The following CSMD1 variants were observed in gnomAD, a reference collection of about 807,000 sequenced individuals.
The protein encoded by CSMD1 is CUB and sushi domain-containing protein 1.
A neutral mutation model predicts 417.5 loss-of-function variants in CSMD1; 213 were observed. The ratio of observed to expected loss-of-function variants is 0.51; its 90% CI spans 0.46 to 0.57. The LOEUF (loss-of-function observed/expected upper bound fraction) is 0.57. CSMD1 is among the 20% of genes least tolerant of loss of function. The pLI, the probability that CSMD1 is intolerant of heterozygous loss-of-function variation, is 0.00. For synonymous variants in CSMD1, 2,862 were observed against 1,736.8 expected (o/e 1.65, Z -16.11); for missense variants, 6,923 against 4,529.7 (o/e 1.53, Z -15.17).
chr8:4,388,567 G>A (rs554093554), intron 3 of CSMD1, among the ~76,000 whole-genome samples: 1 of 151,118 alleles, frequency 6.6e-6, no homozygotes, highest in Non-Finnish European at 1.5e-5. Context: ...GGGTGGGGGG[G>A]TGATGGATAA....
intron 3 of CSMD1, among the ~76,000 whole-genome samples, chr8:4,090,820 C>A (rs754983211): frequency 6.6e-6 from 1 of 151,474 alleles, no homozygotes; most frequent in African/African-American, 2.4e-5. Flanking sequence ...TTCTTTAAGT[C>A]GAATGAAAAA....
intron 2 of CSMD1, among the ~76,000 whole-genome samples, chr8:4,570,761 T>C (rs1371209478): frequency 2.0e-5 from 3 of 152,162 alleles, no homozygotes; most frequent in African/African-American, 7.2e-5. Context: ...CGGCTGTGAA[T>C]CTGTCTGTCC....
chr8:4,879,187 CAG>C (rs1412771486), intron 1 of CSMD1, among the ~76,000 whole-genome samples: 2 of 151,966 alleles, frequency 1.3e-5, no homozygotes, highest in Non-Finnish European at 2.9e-5. Flanking sequence ...TAGGCAGGCA[CAG>C]AGAGACAGGC....
At chr8:3,820,785 T>C (rs956199210) in intron 5 of CSMD1, among the ~76,000 whole-genome samples, 2 of 152,138 alleles carry the variant, frequency 1.3e-5, no homozygotes, top group Non-Finnish European at 2.9e-5. Context: ...GGTTTCGCCA[T>C]GTTGGCCAGG....
At chr8:4,490,951 CAA>C (rs1362683973) in intron 2 of CSMD1, among the ~76,000 whole-genome samples, 1 of 152,116 alleles carries the variant, frequency 6.6e-6, no homozygotes, top group African/African-American at 2.4e-5. Flanking sequence ...TTAGAAGAAA[CAA>C]GAGAACTGTT....
At chr8:3,944,099 G>C (rs1811070696) in intron 5 of CSMD1, among the ~76,000 whole-genome samples, 1 of 152,090 alleles carries the variant, frequency 6.6e-6, no homozygotes, top group African/African-American at 2.4e-5. Flanking sequence ...AAAGAATAAA[G>C]CAAATGTGAT....
At chr8:4,507,897 G>A (rs956834834) in intron 2 of CSMD1, among the ~76,000 whole-genome samples, 2 of 152,108 alleles carry the variant, frequency 1.3e-5, no homozygotes, top group African/African-American at 4.8e-5. Context: ...AAATGAAAGT[G>A]AAAGATATTT....
intron 5 of CSMD1, among the ~76,000 whole-genome samples, chr8:3,838,941 A>AC: frequency 1.0e-5 from 1 of 100,114 alleles, no homozygotes; most frequent in Non-Finnish European, 1.8e-5. Flanking sequence ...TATATATAAT[A>AC]AAAAATTAAT....
Position 4,039,971 on chromosome 8 carries a change from A to C in CSMD1, c.416-7872T>G, listed in dbSNP as rs958938287. On this transcript the variant is annotated intron_variant, in intron 3 of 69. Coordinates refer to ENST00000635120, the MANE Select transcript of CSMD1 (RefSeq NM_033225.6). Reference sequence around the variant, plus strand: ...ATAGAGAATTGTAAAAAGATATCACAAATCAGGGCACTCGGTACAGGTTAA... The same window carrying C: ...ATAGAGAATTGTAAAAAGATATCACCAATCAGGGCACTCGGTACAGGTTAA... 3.3e-5 allele frequency among the ~76,000 whole-genome samples: 5 copies of C among 152,334 alleles called. No homozygotes were observed. The East Asian group carries it at 5.8e-4, about 18-fold the overall frequency.
intron 5 of CSMD1, among the ~76,000 whole-genome samples, chr8:3,874,266 T>A (rs180697494): frequency 7.9e-5 from 12 of 152,318 alleles, no homozygotes; most frequent in Non-Finnish European, 1.5e-4. Flanking sequence ...ACTGTTAGAA[T>A]GCTCAAGGTC....
intron 4 of CSMD1, among the ~76,000 whole-genome samples, chr8:4,023,209 G>A (rs956280204): frequency 6.6e-6 from 1 of 152,152 alleles, no homozygotes; most frequent in Non-Finnish European, 1.5e-5. Flanking sequence ...AGACCTTCAG[G>A]GAAGCCAGAT....
At chr8:4,962,438 T>C (rs1177346418) in intron 1 of CSMD1, among the ~76,000 whole-genome samples, 1 of 152,128 alleles carries the variant, frequency 6.6e-6, no homozygotes, top group East Asian at 1.9e-4. Flanking sequence ...CTTGAACTAC[T>C]GCCCTCAAAG....
intron 12 of CSMD1, among the ~76,000 whole-genome samples, chr8:3,448,197 G>A (rs1006797594): frequency 6.7e-6 from 1 of 149,850 alleles, no homozygotes; most frequent in Non-Finnish European, 1.5e-5. Flanking sequence ...CAAATAAAAA[G>A]CCTGTCTGTG....
At chr8:4,240,349 A>C (rs1304061276) in intron 3 of CSMD1, among the ~76,000 whole-genome samples, 2 of 152,202 alleles carry the variant, frequency 1.3e-5, no homozygotes, top group East Asian at 1.9e-4. Flanking sequence ...GCTAAAAAGG[A>C]AACTCCTGCA....
In CSMD1 at chr8:4,188,234, G is replaced by T. The variant is rs552719755; in HGVS notation, c.416-156135C>A. 9.8e-4 allele frequency among the ~76,000 whole-genome samples: 149 copies of T among 152,212 alleles called. 1 individual carries two copies. The South Asian group carries it at 0.013, about 14-fold the overall frequency. On this transcript the variant is annotated intron_variant, in intron 3 of 69. Transcript: ENST00000635120. ...ACATGATGTAAAATTTGACTCTGAGGACCCAGAAAACAGCGCACTTTTGGA... is the reference window on the plus strand; with the variant it reads ...ACATGATGTAAAATTTGACTCTGAGTACCCAGAAAACAGCGCACTTTTGGA...
At chr8:4,575,938 G>T (rs1336478368) in intron 2 of CSMD1, among the ~76,000 whole-genome samples, 1 of 152,146 alleles carries the variant, frequency 6.6e-6, no homozygotes, top group Non-Finnish European at 1.5e-5. Context: ...CAATCCCACA[G>T]CACATCACCA....
At chr8:3,455,110 C>T (rs1283702585) in intron 12 of CSMD1, among the ~76,000 whole-genome samples, 2 of 152,188 alleles carry the variant, frequency 1.3e-5, no homozygotes, top group Non-Finnish European at 2.9e-5. Context: ...GAATCGGCTA[C>T]TGAGGCTTGT....
intron 2 of CSMD1, among the ~76,000 whole-genome samples, chr8:4,438,128 G>A (rs1457990350): frequency 2.0e-5 from 3 of 152,088 alleles, no homozygotes; most frequent in Admixed American, 2.0e-4. Context: ...GCTGCACTCA[G>A]AAAAGAATTG....
intron 5 of CSMD1, among the ~76,000 whole-genome samples, chr8:3,836,256 T>C (rs1802693695): frequency 6.6e-6 from 1 of 152,314 alleles, no homozygotes; most frequent in Non-Finnish European, 1.5e-5. Flanking sequence ...TCTGCTCTTA[T>C]TTCACAATGT....
Sources: gnomAD v4.1 joint callset for allele counts (sites outside exome capture counted in the v4.1 genomes callset) on GRCh38, gnomAD v4.1.1 for gene constraint, MANE v1.5 for transcripts, NCBI Gene and HGNC (gene_info 2026-07-23, HGNC 2026-07-21) for gene names.